Variants in ASCC3 observed in about 807,000 individuals in gnomAD.
ASCC3 encodes ASC-1 complex subunit P200.
A neutral mutation model predicts 256.3 loss-of-function variants in ASCC3; 158 were observed. That is an observed-to-expected ratio of 0.62 (90% confidence interval 0.54 to 0.70). ASCC3 has a LOEUF of 0.70. Among genes scored for constraint, ASCC3 ranks in the 30% least tolerant of loss-of-function variants. ASCC3 has a pLI of 0.00. For missense variants in ASCC3, 2,259 were observed against 2,626.0 expected (o/e 0.86, Z 3.05); for synonymous variants, 948 against 883.4 (o/e 1.07, Z -1.30).
intron 4 of ASCC3, among the ~76,000 whole-genome samples, chr6:100,816,878 C>T (rs566486561): frequency 2.0e-5 from 3 of 151,632 alleles, no homozygotes; most frequent in Admixed American, 1.3e-4. Flanking sequence ...ATATAACAAA[C>T]CTGCATATGT....
At chr6:100,727,664 C>A (rs1177412593) in intron 10 of ASCC3, among the ~76,000 whole-genome samples, 1 of 147,902 alleles carries the variant, frequency 6.8e-6, no homozygotes, top group African/African-American at 2.6e-5. Context: ...ACAACAACAA[C>A]AACAACAACA....
intron 28 of ASCC3, 65 bp downstream of exon 28, chr6:100,627,776 CT>C: frequency 6.2e-7 from 1 of 1,608,994 alleles, no homozygotes; most frequent in Non-Finnish European, 8.5e-7. Flanking sequence ...GTTATAATAT[CT>C]CTTAAAAGGA....
intron 4 of ASCC3, among the ~76,000 whole-genome samples, chr6:100,834,246 T>C (rs562246532): frequency 6.6e-6 from 1 of 152,358 alleles, no homozygotes; most frequent in East Asian, 1.9e-4. Flanking sequence ...TTAGAATTTA[T>C]TTTATTTTTC....
chr6:100,767,365 C>G lies in ASCC3; in HGVS notation c.1396-20G>C, dbSNP rs1309066450. On this transcript the variant is annotated intron_variant, in intron 8 of 41. Coordinates refer to ENST00000369162, the MANE Select transcript of ASCC3 (RefSeq NM_006828.4). Reference sequence around the variant, plus strand: ...TCCGATCTAAAAAAAAAAGGCATCACCCATTATAAATAGTAACAATGTGAA... The same window carrying G: ...TCCGATCTAAAAAAAAAAGGCATCAGCCATTATAAATAGTAACAATGTGAA... 2 of 1,605,070 alleles carry G rather than the reference C, an allele frequency of 1.2e-6. No individual in the cohort carries two copies. The highest frequency in any genetic ancestry group is 4.5e-5 in the East Asian group (2 of 44,760).
chr6:100,564,730 G>C (rs1333474977), intron 36 of ASCC3, among the ~76,000 whole-genome samples: 1 of 152,098 alleles, frequency 6.6e-6, no homozygotes, highest in Non-Finnish European at 1.5e-5. Context: ...CTGTTGAAAG[G>C]CTATGTTTAA....
chr6:100,748,441 G>T (rs1780786438), intron 10 of ASCC3, among the ~76,000 whole-genome samples: 1 of 152,000 alleles, frequency 6.6e-6, no homozygotes, highest in Non-Finnish European at 1.5e-5. Flanking sequence ...AGTAAAACAA[G>T]ATACTGTTTT....
chr6:100,636,540 G>C lies in ASCC3; in HGVS notation c.4122+2061C>G, dbSNP rs112035231. On this transcript the variant is annotated intron_variant, in intron 25 of 41. Transcript: ENST00000369162. ...TCTAAATGTTCGAGTGAAAGGAAGA[G>C]TTGCATGTCTCTCACTTTAAATCAA... is the stretch of plus-strand genomic sequence containing the variant. Among the ~76,000 whole-genome samples, 8 of 152,228 alleles carry C rather than the reference G, an allele frequency of 5.3e-5. 1 individual carries two copies. The highest frequency in any genetic ancestry group is 1.9e-4 in the African/African-American group (8 of 41,526).
intron 4 of ASCC3, among the ~76,000 whole-genome samples, chr6:100,830,385 C>T (rs117064774): frequency 6.6e-6 from 1 of 152,184 alleles, no homozygotes; most frequent in Non-Finnish European, 1.5e-5. Flanking sequence ...GAAAGCAATA[C>T]CTAAAACCCA....
intron 3 of ASCC3, among the ~76,000 whole-genome samples, chr6:100,851,920 G>T (rs969010381): frequency 2.0e-5 from 3 of 152,038 alleles, no homozygotes; most frequent in African/African-American, 7.2e-5. Context: ...AACCACCCCG[G>T]CTTGTCTTCC....
chr6:100,608,261 T>TATAC (rs1773098269), intron 30 of ASCC3, among the ~76,000 whole-genome samples: 1 of 74,932 alleles, frequency 1.3e-5, no homozygotes. Flanking sequence ...ACTTTATATA[T>TATAC]ACTTTATATA....
chr6:100,522,553 T>C (rs1209767053), intron 37 of ASCC3, among the ~76,000 whole-genome samples: 1 of 151,672 alleles, frequency 6.6e-6, no homozygotes, highest in Admixed American at 6.6e-5. Flanking sequence ...GGGCACAAAG[T>C]GGGCAGTCAA....
At chr6:100,599,898 C>T (rs1042236072) in intron 34 of ASCC3, among the ~76,000 whole-genome samples, 2 of 151,880 alleles carry the variant, frequency 1.3e-5, no homozygotes, top group East Asian at 3.9e-4. Context: ...AGCTCAAAAT[C>T]GACATTATAT....
chr6:100,601,715 C>T, intron 34 of ASCC3, 95 bp downstream of exon 34: 2 of 1,475,082 alleles, frequency 1.4e-6, no homozygotes, highest in Non-Finnish European at 1.9e-6. Flanking sequence ...AAAGTTCTGC[C>T]TTTTTTGTAT....
chr6:100,825,062 T>C (rs1162013771), intron 4 of ASCC3, among the ~76,000 whole-genome samples: 2 of 152,184 alleles, frequency 1.3e-5, no homozygotes, highest in Non-Finnish European at 2.9e-5. Context: ...TTGAATTAAA[T>C]TATAATCTAT....
intron 3 of ASCC3, chr6:100,856,516 T>G (rs1772949806): frequency 1.4e-6 from 1 of 714,826 alleles, no homozygotes; most frequent in African/African-American, 1.9e-5. Context: ...AAATATACAG[T>G]ACACATACAG....
At chr6:100,544,556 A>C (rs775358131) in intron 36 of ASCC3, among the ~76,000 whole-genome samples, 3 of 152,220 alleles carry the variant, frequency 2.0e-5, no homozygotes, top group Non-Finnish European at 4.4e-5. Flanking sequence ...TTTACCTGTA[A>C]AAACTAAGAT....
chr6:100,668,458 AAG>A (rs1409040679), intron 14 of ASCC3, among the ~76,000 whole-genome samples: 1 of 152,046 alleles, frequency 6.6e-6, no homozygotes, highest in Non-Finnish European at 1.5e-5. Flanking sequence ...AAAATAATGA[AAG>A]AAAATTTAAG....
chr6:100,768,797 A>G lies in ASCC3; in HGVS notation c.1396-1452T>C, dbSNP rs545209796. Among the ~76,000 whole-genome samples the G allele has an allele frequency of 2.6e-5, 4 of 152,290 alleles. No homozygotes were observed. In the East Asian group the frequency reaches 7.7e-4, roughly 29 times the overall value. ...CTCTTCCACTGCTCTTGAAACATTT[A>G]AGTTATACTATATTCTTGGTCAAAA... On this transcript the variant is annotated intron_variant, in intron 8 of 41. Coordinates refer to ENST00000369162, the MANE Select transcript of ASCC3 (RefSeq NM_006828.4).
chr6:100,817,230 G>A (rs1770796252), intron 4 of ASCC3, among the ~76,000 whole-genome samples: 2 of 151,856 alleles, frequency 1.3e-5, no homozygotes, highest in African/African-American at 4.8e-5. Flanking sequence ...TATGTGAGAT[G>A]AATGAAAATA....
Sources: allele counts gnomAD v4.1 joint callset (sites outside exome capture counted in the v4.1 genomes callset), GRCh38; gene constraint gnomAD v4.1.1; transcripts MANE v1.5; gene names NCBI Gene and HGNC (gene_info 2026-07-23, HGNC 2026-07-21).